PPP1R9A: variants seen among roughly 807,000 people sequenced by gnomAD.
PPP1R9A encodes protein phosphatase 1 regulatory subunit 9A.
A neutral mutation model predicts 141.9 loss-of-function variants in PPP1R9A; 59 were observed. That is an observed-to-expected ratio of 0.42 (90% CI 0.34 to 0.52). The LOEUF is 0.52. Among genes scored for constraint, PPP1R9A ranks in the 20% least tolerant of loss-of-function variants. The pLI is 0.10. For synonymous variants in PPP1R9A, 500 were observed against 569.7 expected, an observed-to-expected ratio of 0.88 and a Z score of 1.74; for missense variants, 1,444 against 1,611.9, an observed-to-expected ratio of 0.90 and a Z score of 1.78.
At chr7:94,983,179 A>C (rs180780430) in intron 2 of PPP1R9A, among the ~76,000 whole-genome samples, 1 of 151,984 alleles carries the variant, frequency 6.6e-6, no homozygotes, top group Non-Finnish European at 1.5e-5. Context: ...GTTCTGTTCT[A>C]TTGGTCTATA....
At chr7:95,078,165 G>A (rs1240080087) in intron 2 of PPP1R9A, among the ~76,000 whole-genome samples, 3 of 124,754 alleles carry the variant, frequency 2.4e-5, no homozygotes, top group Admixed American at 1.1e-4. Flanking sequence ...AGAGTGTGAT[G>A]TTCCCCTTCC....
chr7:95,026,999 G>A (rs1041103459), intron 2 of PPP1R9A, among the ~76,000 whole-genome samples: 3 of 152,280 alleles, frequency 2.0e-5, no homozygotes, highest in Non-Finnish European at 2.9e-5. Flanking sequence ...TTTCAAGCCA[G>A]TGGATCTTAG....
intron 2 of PPP1R9A, among the ~76,000 whole-genome samples, chr7:95,007,575 CTTTAT>C (rs1803800263): frequency 6.6e-6 from 1 of 152,064 alleles, no homozygotes; most frequent in Admixed American, 6.6e-5. Flanking sequence ...GAAATAGTAA[CTTTAT>C]TTTAAGGCCT....
intron 2 of PPP1R9A, among the ~76,000 whole-genome samples, chr7:95,008,749 G>T (rs1803976959): frequency 6.6e-6 from 1 of 152,074 alleles, no homozygotes; most frequent in Non-Finnish European, 1.5e-5. Context: ...TGAGAACTTG[G>T]TATCATGGTC....
intron 2 of PPP1R9A, among the ~76,000 whole-genome samples, chr7:95,073,935 C>T (rs1814418377): frequency 6.9e-6 from 1 of 144,920 alleles, no homozygotes; most frequent in Admixed American, 6.7e-5. Flanking sequence ...CTCACACACG[C>T]TATTAGGCAA....
Position 95,078,500 on chromosome 7 carries a change from A to G in PPP1R9A, c.1396-32759A>G, listed in dbSNP as rs568579536. Among the ~76,000 whole-genome samples the G allele has an allele frequency of 3.1e-3, 474 of 152,048 alleles. 3 individuals carry two copies. Among genetic ancestry groups the G allele is most frequent in the Middle Eastern group, 6.8e-3 (2 of 294 alleles). On this transcript the variant is annotated intron_variant, in intron 2 of 19. Transcript: ENST00000433360. ...TAGTCCTTTGGGTATATACCCAGTAATGGGATGGCTGGGTCAAATGGTATT... is the reference window on the plus strand; with the variant it reads ...TAGTCCTTTGGGTATATACCCAGTAGTGGGATGGCTGGGTCAAATGGTATT...
intron 7 of PPP1R9A, among the ~76,000 whole-genome samples, chr7:95,209,233 A>G (rs566025985): frequency 3.7e-4 from 56 of 152,316 alleles, no homozygotes; most frequent in African/African-American, 1.2e-3. Flanking sequence ...TTATGTGATT[A>G]TGTGGATATA....
At chr7:94,977,844 C>G (rs1363060941) in intron 2 of PPP1R9A, among the ~76,000 whole-genome samples, 1 of 151,120 alleles carries the variant, frequency 6.6e-6, no homozygotes, top group Non-Finnish European at 1.5e-5. Context: ...CTCACTGCAA[C>G]CACTGCCTCC....
At chr7:94,917,665 C>G (rs140215600) in intron 2 of PPP1R9A, among the ~76,000 whole-genome samples, 316 of 151,894 alleles carry the variant, frequency 2.1e-3, no homozygotes, top group African/African-American at 7.4e-3. Flanking sequence ...GCCTTGGCCT[C>G]CCGAAGTGCT....
chr7:95,031,775 A>G (rs768488138), intron 2 of PPP1R9A, among the ~76,000 whole-genome samples: 32 of 152,176 alleles, frequency 2.1e-4, no homozygotes, highest in Non-Finnish European at 4.1e-4. Flanking sequence ...AAAAAAAAAA[A>G]AAAAGAAAAG....
chr7:95,051,832 T>A (rs992861646), intron 2 of PPP1R9A, among the ~76,000 whole-genome samples: 3 of 147,526 alleles, frequency 2.0e-5, no homozygotes, highest in African/African-American at 2.5e-5. Context: ...TAAAATTTTT[T>A]TTTTATTTTA....
chr7:94,988,045 G>T (rs73726028), intron 2 of PPP1R9A, among the ~76,000 whole-genome samples: 1,832 of 152,124 alleles, frequency 0.012, 34 homozygotes, highest in African/African-American at 0.04. Context: ...CTTGGAATTG[G>T]ATCAGAGGTT....
At chr7:95,100,887 C>G (rs1449628199) in intron 2 of PPP1R9A, among the ~76,000 whole-genome samples, 2 of 115,420 alleles carry the variant, frequency 1.7e-5, no homozygotes, top group Non-Finnish European at 3.2e-5. Context: ...GAGTCTCGCT[C>G]TGTCGCCCAG....
chr7:95,216,541 A>G (rs377580781), intron 7 of PPP1R9A, among the ~76,000 whole-genome samples: 1 of 152,168 alleles, frequency 6.6e-6, no homozygotes, highest in Admixed American at 6.5e-5. Context: ...CATTGAATCT[A>G]TAAATTACCT....
chr7:94,966,717 C>G (rs138550748), intron 2 of PPP1R9A, among the ~76,000 whole-genome samples: 1 of 152,128 alleles, frequency 6.6e-6, no homozygotes, highest in East Asian at 1.9e-4. Context: ...TTTGGTTTGC[C>G]AGTGTTTTAT....
At chr7:95,056,527 A>T (rs1417164335) in intron 2 of PPP1R9A, among the ~76,000 whole-genome samples, 3 of 152,136 alleles carry the variant, frequency 2.0e-5, no homozygotes, top group African/African-American at 7.2e-5. Flanking sequence ...CTTATTAACC[A>T]TGGTAATCTT....
At chr7:95,066,058 C>A (rs191546418) in intron 2 of PPP1R9A, among the ~76,000 whole-genome samples, 1 of 152,240 alleles carries the variant, frequency 6.6e-6, no homozygotes, top group African/African-American at 2.4e-5. Context: ...GTGTTAAAGT[C>A]CCAAACCCCA....
chr7:95,207,669 T>C (rs968127987), intron 7 of PPP1R9A, among the ~76,000 whole-genome samples: 3 of 152,084 alleles, frequency 2.0e-5, no homozygotes, highest in Non-Finnish European at 4.4e-5. Flanking sequence ...AGAAATAAAT[T>C]GTAAAGAAAT....
At chr7:95,055,417 A>G (rs1450444748) in intron 2 of PPP1R9A, among the ~76,000 whole-genome samples, 1 of 151,850 alleles carries the variant, frequency 6.6e-6, no homozygotes, top group Non-Finnish European at 1.5e-5. Flanking sequence ...AAGTCCTGTT[A>G]ATTCTTCCTT....
Sources: gnomAD v4.1 joint callset for allele counts (sites outside exome capture counted in the v4.1 genomes callset) on GRCh38, gnomAD v4.1.1 for gene constraint, MANE v1.5 for transcripts, NCBI Gene and HGNC (gene_info 2026-07-23, HGNC 2026-07-21) for gene names.